Variants in WWOX observed in about 807,000 individuals in gnomAD.
The protein encoded by WWOX is WW domain-containing oxidoreductase.
In WWOX, 69 loss-of-function variants were observed where a neutral mutation model predicts 46.2. The ratio of observed to expected loss-of-function variants is 1.49; its 90% CI spans 1.23 to 1.82. The LOEUF (loss-of-function observed/expected upper bound fraction) is 1.82, where lower values mean the gene tolerates loss of function less well. WWOX is among the 40% of genes most tolerant of loss of function. The probability of loss-of-function intolerance (pLI) is 0.00; values close to 1 mark genes in which losing one functional copy is unlikely to be tolerated. For synonymous variants in WWOX, 359 were observed against 202.6 expected, an observed-to-expected ratio of 1.77 and a Z score of -6.56; for missense variants, 919 against 542.6, an observed-to-expected ratio of 1.69 and a Z score of -6.89.
intron 5 of WWOX, among the ~76,000 whole-genome samples, chr16:78,384,064 C>T (rs185975245): frequency 6.6e-6 from 1 of 152,128 alleles, no homozygotes; most frequent in African/African-American, 2.4e-5. Flanking sequence ...TGTTGAAATA[C>T]TGCTTTGGGG....
intron 8 of WWOX, among the ~76,000 whole-genome samples, chr16:78,763,873 G>T (rs1226520755): frequency 6.6e-6 from 1 of 152,126 alleles, no homozygotes; most frequent in Non-Finnish European, 1.5e-5. Context: ...TTTTTGGGGA[G>T]TCTGTATGCA....
intron 8 of WWOX, among the ~76,000 whole-genome samples, chr16:78,661,802 C>G (rs543532460): frequency 6.6e-6 from 1 of 152,270 alleles, no homozygotes; most frequent in South Asian, 2.1e-4. Context: ...TTTGAGAGGC[C>G]GAGGCCGGTG....
intron 8 of WWOX, among the ~76,000 whole-genome samples, chr16:79,051,967 G>C (rs1038538127): frequency 1.4e-4 from 22 of 152,162 alleles, no homozygotes; most frequent in Admixed American, 1.2e-3. Context: ...ACCTTTCTCA[G>C]CATTCCACAA....
At chr16:78,958,210 C>A (rs953882019) in intron 8 of WWOX, among the ~76,000 whole-genome samples, 3 of 152,202 alleles carry the variant, frequency 2.0e-5, no homozygotes, top group Non-Finnish European at 2.9e-5. Context: ...CTTAAACACT[C>A]AGCTCCAGCT....
At chr16:78,659,255 C>A (rs2047155839) in intron 8 of WWOX, among the ~76,000 whole-genome samples, 1 of 152,114 alleles carries the variant, frequency 6.6e-6, no homozygotes, top group African/African-American at 2.4e-5. Flanking sequence ...CTACGTGACT[C>A]ACAGAGATAA....
intron 8 of WWOX, among the ~76,000 whole-genome samples, chr16:79,076,119 A>C: frequency 6.6e-6 from 1 of 152,246 alleles, no homozygotes; most frequent in Non-Finnish European, 1.5e-5. Flanking sequence ...TGTAAGAGTA[A>C]GACCAGCCTA....
chr16:78,302,149 AG>A (rs1437802067), intron 5 of WWOX, among the ~76,000 whole-genome samples: 6 of 151,724 alleles, frequency 4.0e-5, no homozygotes, highest in African/African-American at 1.5e-4. Flanking sequence ...TTAGTAGAGA[AG>A]GGGTATCGCC....
intron 8 of WWOX, among the ~76,000 whole-genome samples, chr16:78,990,648 G>A (rs1156906057): frequency 6.6e-6 from 1 of 151,828 alleles, no homozygotes; most frequent in Non-Finnish European, 1.5e-5. Context: ...TAAAATGAAA[G>A]AAGAAAAAGG....
intron 8 of WWOX, among the ~76,000 whole-genome samples, chr16:78,876,769 T>C (rs547800556): frequency 6.6e-6 from 1 of 152,154 alleles, no homozygotes; most frequent in Non-Finnish European, 1.5e-5. Flanking sequence ...ACCAAAAATC[T>C]AAAGGAAAAT....
intron 8 of WWOX, among the ~76,000 whole-genome samples, chr16:78,558,554 C>G (rs572021974): frequency 6.6e-6 from 1 of 152,300 alleles, no homozygotes; most frequent in Admixed American, 6.5e-5. Context: ...ACCCATCAGG[C>G]CTGCTTCACT....
At chr16:79,145,632 A>G (rs1318093943) in intron 8 of WWOX, among the ~76,000 whole-genome samples, 3 of 152,202 alleles carry the variant, frequency 2.0e-5, no homozygotes, top group Admixed American at 6.5e-5. Flanking sequence ...GTAAGACAAA[A>G]AAAGTCTTAA....
chr16:78,118,022 G>C (rs1220587051), intron 4 of WWOX, among the ~76,000 whole-genome samples: 1 of 150,084 alleles, frequency 6.7e-6, no homozygotes, highest in African/African-American at 2.5e-5. Flanking sequence ...ATTTCCAGTG[G>C]TTCTTTCTTT....
chr16:78,875,169 T>A (rs193019401), intron 8 of WWOX, among the ~76,000 whole-genome samples: 1 of 152,186 alleles, frequency 6.6e-6, no homozygotes, highest in Non-Finnish European at 1.5e-5. Flanking sequence ...TGTTGCAAGA[T>A]TGCATGAGAT....
chr16:78,960,904 A>T (rs1464860457), intron 8 of WWOX, among the ~76,000 whole-genome samples: 1 of 152,256 alleles, frequency 6.6e-6, no homozygotes, highest in African/African-American at 2.4e-5. Context: ...AAAGTAAAGA[A>T]GTTCAGAACC....
intron 5 of WWOX, among the ~76,000 whole-genome samples, chr16:78,303,798 G>A (rs907128020): frequency 1.3e-5 from 2 of 152,080 alleles, no homozygotes; most frequent in South Asian, 4.1e-4. Flanking sequence ...CTTGGCCTTG[G>A]CCTCCCAAAG....
chr16:78,819,796 A>C (rs1260512501), intron 8 of WWOX, among the ~76,000 whole-genome samples: 1 of 152,164 alleles, frequency 6.6e-6, no homozygotes, highest in African/African-American at 2.4e-5. Context: ...TCCGTAAACA[A>C]AGCTTGGCAA....
intron 8 of WWOX, among the ~76,000 whole-genome samples, chr16:78,529,420 C>CT (rs2043564451): frequency 6.6e-6 from 1 of 152,028 alleles, no homozygotes; most frequent in African/African-American, 2.4e-5. Flanking sequence ...GGTTTTCTTT[C>CT]TGTCGGGTCC....
chr16:78,415,084 ATATAAT>A (rs1393740583), intron 6 of WWOX, among the ~76,000 whole-genome samples: 1 of 148,464 alleles, frequency 6.7e-6, no homozygotes, highest in Non-Finnish European at 1.5e-5. Context: ...AATATAATAT[ATATAAT>A]TATAATACAA....
chr16:78,953,218 C>G (rs559961496), intron 8 of WWOX, among the ~76,000 whole-genome samples: 4 of 151,740 alleles, frequency 2.6e-5, no homozygotes, highest in South Asian at 4.2e-4. Context: ...CCCTTTGGAC[C>G]TAGACTGAGC....
Sources: allele counts gnomAD v4.1 joint callset (sites outside exome capture counted in the v4.1 genomes callset), GRCh38; gene constraint gnomAD v4.1.1; transcripts MANE v1.5; gene names NCBI Gene and HGNC (gene_info 2026-07-23, HGNC 2026-07-21).